The following ARHGEF17 variants were observed in gnomAD, a reference collection of about 807,000 sequenced individuals.
The protein encoded by ARHGEF17 is Rho guanine nucleotide exchange factor 17, also known as 164 kDa Rho-specific guanine-nucleotide exchange factor.
ARHGEF17 carries 80 observed loss-of-function variants against 174.0 expected under a neutral mutation model. That is an observed-to-expected ratio of 0.46 (90% CI 0.38 to 0.55). The LOEUF (loss-of-function observed/expected upper bound fraction) is 0.55. Ranked by LOEUF, ARHGEF17 falls within the 20% of genes least tolerant of loss-of-function variation. ARHGEF17 has a pLI of 0.00. For missense variants in ARHGEF17, 2,886 were observed against 2,839.7 expected (o/e 1.02, Z -0.37); for synonymous variants, 1,311 against 1,189.1 (o/e 1.10, Z -2.11).
chr11:73,364,637 G>C, intron 18 of ARHGEF17, 37 bp downstream of exon 18: 1 of 1,589,388 alleles, frequency 6.3e-7, no homozygotes, highest in Non-Finnish European at 8.6e-7. Context: ...GGTGCCATGG[G>C]ATGAGCTAGG....
intron 16 of ARHGEF17, 72 bp downstream of exon 16, chr11:73,363,905 T>G: frequency 6.8e-7 from 1 of 1,475,466 alleles, no homozygotes; most frequent in Non-Finnish European, 9.4e-7. Context: ...TCTGTTCATC[T>G]GGTCCCCCTG....
chr11:73,320,220 T>C (rs1481472304), intron 1 of ARHGEF17, among the ~76,000 whole-genome samples: 1 of 151,924 alleles, frequency 6.6e-6, no homozygotes, highest in Non-Finnish European at 1.5e-5. Flanking sequence ...AAGGGTGCTG[T>C]CCAGAATGCT....
rs758043385 is a variant in ARHGEF17 at position 73,311,340 on chromosome 11, G to A, written c.2702G>A (p.Arg901Gln). Residue 901 changes from arginine to glutamine, a missense_variant, in exon 1 of 21, where the codon CGA (arginine) becomes CAA (glutamine). By Grantham distance (43) the Arg-to-Gln change is conservative (BLOSUM62 1). Transcript: ENST00000263674. ...CTGCCTCCCCCTGCCACTGCCCACC[G>A]AAACTTTCACCTTGACCCCAAGCTG... ...EALPPPATAHRNFHLDPKLAD... is the reference protein window; with the variant it reads ...EALPPPATAHQNFHLDPKLAD... The A allele has an allele frequency of 3.0e-5, 49 of 1,613,224 alleles. No individual in the cohort carries two copies. In the East Asian group the frequency reaches 3.6e-4, roughly 12 times the overall value.
intron 1 of ARHGEF17, 91 bp downstream of exon 1, chr11:73,311,921 T>C: frequency 7.0e-7 from 1 of 1,427,554 alleles, no homozygotes; most frequent in Non-Finnish European, 9.4e-7. Flanking sequence ...TATTCACTGG[T>C]CAGGTGCCCA....
intron 2 of ARHGEF17, among the ~76,000 whole-genome samples, chr11:73,351,897 T>C (rs1241554814): frequency 6.6e-6 from 1 of 152,226 alleles, no homozygotes; most frequent in African/African-American, 2.4e-5. Flanking sequence ...TATCGCCTTT[T>C]AACTGACTAC....
chr11:73,357,164 G>A (rs1392070565), intron 8 of ARHGEF17, 30 bp downstream of exon 8: 2 of 1,612,814 alleles, frequency 1.2e-6, no homozygotes, highest in Admixed American at 3.3e-5. Context: ...TTTGGGTGGT[G>A]CCAACAGGGG....
intron 1 of ARHGEF17, among the ~76,000 whole-genome samples, chr11:73,327,911 G>A (rs1865130659): frequency 6.6e-6 from 1 of 152,172 alleles, no homozygotes; most frequent in Non-Finnish European, 1.5e-5. Context: ...TTATTCATTG[G>A]AAAAGCTGAG....
At position 73,351,556 on chromosome 11, in the gene ARHGEF17, A is replaced by C. The variant is rs577883159; in HGVS notation, c.3271-1274A>C. Among the ~76,000 whole-genome samples, 3 of 152,162 alleles carry C rather than the reference A, an allele frequency of 2.0e-5. No homozygotes were observed. The South Asian group carries it at 6.2e-4, about 32-fold the overall frequency. ...CAGTAACTTCCCATGTGGTCTCATG[A>C]TCTCCCACGACCCTCCCTGCTCTAT... On this transcript the variant is annotated intron_variant, in intron 2 of 20. Coordinates refer to ENST00000263674, the MANE Select transcript of ARHGEF17 (RefSeq NM_014786.4).
chr11:73,321,216 A>AG (rs1865012087), intron 1 of ARHGEF17, among the ~76,000 whole-genome samples: 1 of 152,078 alleles, frequency 6.6e-6, no homozygotes, highest in African/African-American at 2.4e-5. Context: ...GGAGGGAGAA[A>AG]CCGGGGCTGG....
Position 73,360,478 on chromosome 11 carries a change from C to A in ARHGEF17, c.4365C>A (p.His1455Gln). The change falls in exon 11 of 21, where the codon CAC becomes CAA. Residue 1455 changes from histidine (H) to glutamine (Q), a missense_variant. Coordinates refer to ENST00000263674, the MANE Select transcript of ARHGEF17 (RefSeq NM_014786.4). Reference sequence around the variant, plus strand: ...ACTCCTACATTTTTGAGTTCCCTCACCCTGACGCCCGCCTTGGTTTTGAAC... The same window carrying A: ...ACTCCTACATTTTTGAGTTCCCTCAACCTGACGCCCGCCTTGGTTTTGAAC... The part of the protein sequence containing the change: ...GTDSYIFEFP[H>Q]PDARLGFEQA... 1 of 1,614,072 alleles carries A rather than the reference C, an allele frequency of 6.2e-7. No individual in the cohort carries two copies. The highest frequency in any genetic ancestry group is 8.5e-7 in the Non-Finnish European group (1 of 1,180,048).
Position 73,360,529 on chromosome 11 carries a change from GC to G in ARHGEF17, c.4417del (p.Leu1473TrpfsTer8). The G allele has an allele frequency of 6.2e-7, 1 of 1,613,788 alleles. No individual in the cohort carries two copies. Among genetic ancestry groups the G allele is most frequent in the Non-Finnish European group, 8.5e-7 (1 of 1,180,044 alleles). On this transcript the variant is annotated frameshift_variant, in exon 11 of 21. Coordinates refer to ENST00000263674, the MANE Select transcript of ARHGEF17 (RefSeq NM_014786.4). LOFTEE classifies it high-confidence loss of function. ...AGGCCTTCGATGAGGCCAAGAGGAAGCTGGGTAAGCCAAGGCACATGTTGGC... is the reference window on the plus strand; with the variant it reads ...AGGCCTTCGATGAGGCCAAGAGGAAGTGGGTAAGCCAAGGCACATGTTGGC... ...EQAFDEAKRK[L>X]ASSKSCLDPE...
In ARHGEF17 at chr11:73,308,762, G is replaced by A. The variant is rs892543833; in HGVS notation, c.124G>A (p.Ala42Thr). Residue 42 changes from alanine (A) to threonine (T), a missense_variant, in exon 1 of 21, where the codon GCC becomes ACC. Physicochemically the swap from Ala to Thr is moderately conservative, Grantham distance 58. Coordinates refer to ENST00000263674, the MANE Select transcript of ARHGEF17 (RefSeq NM_014786.4). ...GGACACCCCCGGCTTGAGGCGACGC[G>A]CCTCGTGCCGGCCGACCACGGCTGC... ...DTDTPGLRRR[A>T]SCRPTTAARG... 3 of 1,457,576 alleles carry A rather than the reference G, an allele frequency of 2.1e-6. No homozygotes were observed. Among genetic ancestry groups the A allele is most frequent in the Non-Finnish European group, 1.8e-6 (2 of 1,112,694 alleles). 90.3% of individuals were successfully genotyped at this position (1,457,576 alleles called of 1,614,324 possible).
chr11:73,350,584 C>G (rs1301611632), intron 2 of ARHGEF17, among the ~76,000 whole-genome samples: 1 of 152,156 alleles, frequency 6.6e-6, no homozygotes, highest in African/African-American at 2.4e-5. Context: ...AAGTGTTGTT[C>G]CTGCAGGCCA....
At chr11:73,322,110 C>T (rs528839298) in intron 1 of ARHGEF17, among the ~76,000 whole-genome samples, 2 of 152,280 alleles carry the variant, frequency 1.3e-5, no homozygotes, top group African/African-American at 4.8e-5. Flanking sequence ...GGTTAAGGAG[C>T]AGATGTGGAA....
chr11:73,347,657 G>A (rs890192528), intron 2 of ARHGEF17, among the ~76,000 whole-genome samples: 3 of 152,250 alleles, frequency 2.0e-5, no homozygotes, highest in Non-Finnish European at 4.4e-5. Flanking sequence ...AGGCCACGCT[G>A]TGGGGGCCTA....
chr11:73,314,921 C>G (rs565419434), intron 1 of ARHGEF17, among the ~76,000 whole-genome samples: 1 of 152,330 alleles, frequency 6.6e-6, no homozygotes, highest in Non-Finnish European at 1.5e-5. Context: ...TAGCCCACAG[C>G]AGGGGGTGAC....
chr11:73,310,639 G>A lies in ARHGEF17; in HGVS notation c.2001G>A (p.Met667Ile). Residue 667 changes from methionine to isoleucine, a missense_variant, in exon 1 of 21, where the codon ATG (methionine) becomes ATA (isoleucine). Met to Ile is a conservative substitution (Grantham distance 10). Around this residue, in one of 4 missense-constraint regions of ARHGEF17, gnomAD observed 1,728 missense variants for 1,461.2 expected, o/e 1.18. Transcript: ENST00000263674. ...AAFCGLGTTGMWRPLSSSSAQ... is the reference protein window; with the variant it reads ...AAFCGLGTTGIWRPLSSSSAQ... ...TTTGCGGCCTGGGTACCACAGGGATGTGGCGACCTCTTTCCTCATCCTCGG... is the reference window on the plus strand; with the variant it reads ...TTTGCGGCCTGGGTACCACAGGGATATGGCGACCTCTTTCCTCATCCTCGG... 2 of 1,614,132 alleles carry A rather than the reference G, an allele frequency of 1.2e-6. No individual in the cohort carries two copies. The highest frequency in any genetic ancestry group is 1.7e-6 in the Non-Finnish European group (2 of 1,180,022).
chr11:73,338,615 A>G (rs1170817183), intron 1 of ARHGEF17, among the ~76,000 whole-genome samples: 1 of 152,078 alleles, frequency 6.6e-6, no homozygotes, highest in Admixed American at 6.5e-5. Context: ...CTAAACCTTC[A>G]GGAGAATCTG....
intron 3 of ARHGEF17, among the ~76,000 whole-genome samples, chr11:73,355,292 G>A (rs2134416924): frequency 6.6e-6 from 1 of 152,346 alleles, no homozygotes; most frequent in Non-Finnish European, 1.5e-5. Context: ...GTCTACATAT[G>A]TGCATACATG....
Sources: gnomAD v4.1 joint callset for allele counts (sites outside exome capture counted in the v4.1 genomes callset) on GRCh38, gnomAD v4.1.1 for gene constraint, gnomAD v4.1.1 regional missense constraint, MANE v1.5 for transcripts, NCBI Gene and HGNC (gene_info 2026-07-23, HGNC 2026-07-21) for gene names.